IFIH1: variants seen among roughly 807,000 people sequenced by gnomAD.
The protein encoded by IFIH1 is interferon induced with helicase C domain 1, also known as interferon-induced helicase C domain-containing protein 1.
In IFIH1, 125 loss-of-function variants were observed where a neutral mutation model predicts 107.4. The observed-to-expected ratio is 1.16, with a 90% CI of 1.01 to 1.35. The LOEUF is 1.35. Among genes scored for constraint, IFIH1 ranks in the 40% most tolerant of loss-of-function variants. IFIH1 has a pLI of 0.00. For missense variants in IFIH1, 1,333 were observed against 1,213.7 expected (o/e 1.10, Z -1.46); for synonymous variants, 458 against 413.2 (o/e 1.11, Z -1.31).
intron 12 of IFIH1, among the ~76,000 whole-genome samples, chr2:162,273,076 G>C (rs1479657335): frequency 6.6e-6 from 1 of 152,124 alleles, no homozygotes; most frequent in African/African-American, 2.4e-5. Flanking sequence ...TGGCAGTCTG[G>C]TTATCTTAGT....
rs889139757 is a variant in IFIH1, at chr2:162,272,337, G to A, written c.2505C>T (p.His835=). The A allele has an allele frequency of 1.2e-6, 2 of 1,613,370 alleles. No homozygotes were observed. The highest frequency in any genetic ancestry group is 2.7e-5 in the African/African-American group (2 of 74,866). ...ADESTYVLVA[H]SGSGVIEHET... ...CATGTTCGATAACTCCTGAACCACTGTGAGCAACCAGGACGTAGGTGCTCT... is the reference window on the plus strand; with the variant it reads ...CATGTTCGATAACTCCTGAACCACTATGAGCAACCAGGACGTAGGTGCTCT... Residue 835 remains histidine, a synonymous_variant, in exon 13 of 16, where the codon CAC becomes CAT. Coordinates refer to ENST00000649979, the MANE Select transcript of IFIH1 (RefSeq NM_022168.4).
At chr2:162,275,582 TAA>T (rs2105195361) in intron 11 of IFIH1, among the ~76,000 whole-genome samples, 1 of 152,320 alleles carries the variant, frequency 6.6e-6, no homozygotes, top group Non-Finnish European at 1.5e-5. Flanking sequence ...AGAGGGTATA[TAA>T]AGAGTTATAG....
chr2:162,267,931 A>G (rs1282130638), intron 14 of IFIH1, among the ~76,000 whole-genome samples, 156 bp downstream of exon 14: 1 of 152,266 alleles, frequency 6.6e-6, no homozygotes, highest in Non-Finnish European at 1.5e-5. Flanking sequence ...TTTATTTAAA[A>G]CATAGACATT....
At chr2:162,280,252 T>C (rs1682782859) in intron 7 of IFIH1, 140 bp from the exon 8 acceptor site, 3 of 608,414 alleles carry the variant, frequency 4.9e-6, no homozygotes, top group Non-Finnish European at 2.9e-6. Context: ...ATGAAAGTAA[T>C]ATGTAGCATT....
chr2:162,309,174 G>A (rs1412303775), intron 2 of IFIH1, among the ~76,000 whole-genome samples: 1 of 152,180 alleles, frequency 6.6e-6, no homozygotes, highest in Non-Finnish European at 1.5e-5. Flanking sequence ...GAATAGCTCT[G>A]TTTGGTTTGA....
intron 1 of IFIH1, among the ~76,000 whole-genome samples, chr2:162,315,666 C>T (rs1576241504): frequency 6.6e-6 from 1 of 152,156 alleles, no homozygotes. Context: ...CAAAGTAACG[C>T]ATATAGTAAG....
At chr2:162,298,251 A>G (rs1007621576) in intron 3 of IFIH1, among the ~76,000 whole-genome samples, 2 of 152,034 alleles carry the variant, frequency 1.3e-5, no homozygotes, top group African/African-American at 2.4e-5. Context: ...TACCTCTTCT[A>G]TTTTTGGCCT....
rs1576243763 is a variant in IFIH1, at chr2:162,318,291, G to T, written c.17C>A (p.Ser6Tyr). 6.2e-7 allele frequency: 1 copy of T among 1,612,468 alleles called. No homozygotes were observed. Among genetic ancestry groups the T allele is most frequent in the Non-Finnish European group, 8.5e-7 (1 of 1,178,702 alleles). Residue 6 changes from serine to tyrosine, a missense_variant, in exon 1 of 16, where the codon TCC becomes TAC. By Grantham distance (144) the Ser-to-Tyr change is moderately radical. Transcript: ENST00000649979. ...GAGATAGCGGAAATTCTCGTCTGTGGAATACCCATTCGACATCTTTCTTTC... is the reference window on the plus strand; with the variant it reads ...GAGATAGCGGAAATTCTCGTCTGTGTAATACCCATTCGACATCTTTCTTTC... MSNGY[S>Y]TDENFRYLIS...
In IFIH1 at chr2:162,281,339, G is replaced by A. The variant is rs1278197489; in HGVS notation, c.1513C>T (p.His505Tyr). 4 of 1,611,446 alleles carry A rather than the reference G, an allele frequency of 2.5e-6. No individual in the cohort carries two copies. The highest frequency in any genetic ancestry group is 3.4e-6 in the Non-Finnish European group (4 of 1,178,414). The change falls in exon 7 of 16, where the codon CAC (histidine) becomes TAC (tyrosine). Residue 505 changes from histidine (H) to tyrosine (Y), a missense_variant. Physicochemically the swap from His to Tyr is moderately conservative, Grantham distance 83 (BLOSUM62 2). Coordinates refer to ENST00000649979, the MANE Select transcript of IFIH1 (RefSeq NM_022168.4). ...GATKQAKAEEHILKLCANLDA... is the reference protein window; with the variant it reads ...GATKQAKAEEYILKLCANLDA... ...AAATTATGACTTACTTTTAAAATGT[G>A]TTCTTCAGCTTTGGCTTGCTTCGTG...
rs2105226690 is a variant in IFIH1, at chr2:162,306,693, T to C, written c.769+16A>G. ...GTAGTAATTACTGTATTAAAGTACG[T>C]ATGTGTTTCAAGTACCTGAAACTAC... On this transcript the variant is annotated intron_variant, in intron 3 of 15. Transcript: ENST00000649979. 2 of 1,610,472 alleles carry C rather than the reference T, an allele frequency of 1.2e-6. No individual in the cohort carries two copies. The highest frequency in any genetic ancestry group is 8.5e-7 in the Non-Finnish European group (1 of 1,176,962).
intron 4 of IFIH1, among the ~76,000 whole-genome samples, chr2:162,290,308 C>T (rs1250900034): frequency 6.6e-6 from 1 of 151,638 alleles, no homozygotes; most frequent in East Asian, 1.9e-4. Flanking sequence ...ACTACTATAT[C>T]CTTGAATAAG....
chr2:162,314,309 T>G (rs534033771), intron 1 of IFIH1, among the ~76,000 whole-genome samples: 27 of 152,186 alleles, frequency 1.8e-4, no homozygotes, highest in Middle Eastern at 3.4e-3. Flanking sequence ...CTCTAGTATT[T>G]AGAATAGTCC....
At chr2:162,274,416 T>C (rs1384920370) in intron 11 of IFIH1, among the ~76,000 whole-genome samples, 1 of 152,154 alleles carries the variant, frequency 6.6e-6, no homozygotes, top group African/African-American at 2.4e-5. Context: ...TTGGTCACTT[T>C]AAGAATCATT....
At chr2:162,271,757 A>G (rs956828847) in intron 13 of IFIH1, among the ~76,000 whole-genome samples, 4 of 152,080 alleles carry the variant, frequency 2.6e-5, no homozygotes, top group Non-Finnish European at 5.9e-5. Context: ...TGTCCTCCAA[A>G]CTTCACCAGG....
rs193299829 is a variant in IFIH1 at position 162,295,645 on chromosome 2, G to A, written c.770-1977C>T. Among the ~76,000 whole-genome samples, 92 of 152,002 alleles carry A rather than the reference G, an allele frequency of 6.1e-4. No individual in the cohort carries two copies. The East Asian group carries it at 7.9e-3, about 13-fold the overall frequency. ...GAAAATACTGTGCTTATCAGTTGTC[G>A]CAGATTAGTTCTAAAACTCAGATTT... On this transcript the variant is annotated intron_variant, in intron 3 of 15. Transcript: ENST00000649979.
chr2:162,270,114 G>C (rs1691006524), intron 13 of IFIH1, among the ~76,000 whole-genome samples: 2 of 152,024 alleles, frequency 1.3e-5, no homozygotes, highest in African/African-American at 4.8e-5. Context: ...CTCTAAAATA[G>C]TAAAGGAATT....
chr2:162,275,374 G>A (rs1691131897), intron 11 of IFIH1, among the ~76,000 whole-genome samples: 1 of 152,138 alleles, frequency 6.6e-6, no homozygotes, highest in African/African-American at 2.4e-5. Context: ...TTTAAAAACA[G>A]AACTCATAAG....
chr2:162,277,498 C>A lies in IFIH1; in HGVS notation c.1961G>T (p.Cys654Phe). Reference protein sequence around the residue: ...DSDEGGDDEYCDGDEDEDDLK... With the variant: ...DSDEGGDDEYFDGDEDEDDLK... The stretch of plus-strand genomic sequence containing the variant: ...ATCATCCTCATCTTCATCACCATCA[C>A]AATACTCATCATCACCACCCTCATC... Residue 654 changes from cysteine (C) to phenylalanine (F), a missense_variant, in exon 10 of 16, where the codon TGT (cysteine) becomes TTT (phenylalanine). Coordinates refer to ENST00000649979, the MANE Select transcript of IFIH1 (RefSeq NM_022168.4). The A allele has an allele frequency of 6.3e-7, 1 of 1,585,862 alleles. No homozygotes were observed. Among genetic ancestry groups the A allele is most frequent in the Non-Finnish European group, 8.7e-7 (1 of 1,154,928 alleles).
chr2:162,282,400 CA>C lies in IFIH1; in HGVS notation c.1271del (p.Leu424TrpfsTer35), dbSNP rs1180019447. ...AQILENSLLN[L>X]ENGEDAGVQL... ...GAACACCAGCATCTTCTCCATTTTC[CA>C]AGTTTAAGAGGGAGTTTTCAAGGAT... On this transcript the variant is annotated frameshift_variant, in exon 6 of 16. Transcript: ENST00000649979. LOFTEE classifies it high-confidence loss of function. The C allele has an allele frequency of 1.9e-6, 3 of 1,610,748 alleles. No homozygotes were observed. Among genetic ancestry groups the C allele is most frequent in the Non-Finnish European group, 2.5e-6 (3 of 1,178,158 alleles).
Sources: gnomAD v4.1 joint callset for allele counts (sites outside exome capture counted in the v4.1 genomes callset) on GRCh38, gnomAD v4.1.1 for gene constraint, MANE v1.5 for transcripts, NCBI Gene and HGNC (gene_info 2026-07-23, HGNC 2026-07-21) for gene names.